The following TNRC18 variants were observed in gnomAD, a reference collection of about 807,000 sequenced individuals.
TNRC18 encodes trinucleotide repeat containing 18, also known as trinucleotide repeat-containing gene 18 protein.
TNRC18 carries 69 observed loss-of-function variants against 226.7 expected under a neutral mutation model. That is an observed-to-expected ratio of 0.30 (90% confidence interval 0.25 to 0.37). TNRC18 has a LOEUF of 0.37. TNRC18 is among the 10% of genes least tolerant of loss of function. The pLI is 1.00. For synonymous variants in TNRC18, 2,449 were observed against 1,927.6 expected, an observed-to-expected ratio of 1.27 and a Z score of -7.09; for missense variants, 4,754 against 4,256.6, an observed-to-expected ratio of 1.12 and a Z score of -3.25.
chr7:5,347,491 C>T (rs1011662036), intron 17 of TNRC18, among the ~76,000 whole-genome samples: 1 of 144,850 alleles, frequency 6.9e-6, no homozygotes, highest in African/African-American at 2.6e-5. Context: ...CCGCCACACC[C>T]AGCCCCCCCG....
At chr7:5,371,420 C>T in intron 10 of TNRC18, 56 bp from the exon 11 acceptor site, 1 of 1,448,590 alleles carries the variant, frequency 6.9e-7, no homozygotes, top group Middle Eastern at 2.4e-4. Flanking sequence ...TCCCATGTCC[C>T]CACTGACACC....
chr7:5,405,518 G>A (rs918233139), intron 2 of TNRC18, among the ~76,000 whole-genome samples: 3 of 152,144 alleles, frequency 2.0e-5, no homozygotes, highest in East Asian at 1.9e-4. Flanking sequence ...GCAGTGAGCC[G>A]AGATTGTGCC....
At chr7:5,328,546 C>A (rs921310902) in intron 19 of TNRC18, among the ~76,000 whole-genome samples, 1 of 151,312 alleles carries the variant, frequency 6.6e-6, no homozygotes, top group Non-Finnish European at 1.5e-5. Context: ...TCTCGCTCTG[C>A]CACCCAGGCT....
chr7:5,373,089 C>A (rs1794312987), intron 10 of TNRC18, among the ~76,000 whole-genome samples: 1 of 152,102 alleles, frequency 6.6e-6, no homozygotes, highest in African/African-American at 2.4e-5. Flanking sequence ...ACCTGGGAAG[C>A]GGAGGTTGCA....
intron 2 of TNRC18, among the ~76,000 whole-genome samples, chr7:5,410,032 C>A (rs1257261047): frequency 6.6e-6 from 1 of 150,754 alleles, no homozygotes. Flanking sequence ...ATGATCAGAT[C>A]AGACGCAGTG....
At chr7:5,327,372 CGTGT>C (rs5882054) in intron 19 of TNRC18, among the ~76,000 whole-genome samples, 8,271 of 142,630 alleles carry the variant, frequency 0.058, 264 homozygotes, top group South Asian at 0.088. Context: ...TGTGTTTGTG[CGTGT>C]GTGTGTGTGT....
At chr7:5,318,190 G>A (rs368818947) in intron 24 of TNRC18, among the ~76,000 whole-genome samples, 1 of 151,942 alleles carries the variant, frequency 6.6e-6, no homozygotes, top group Non-Finnish European at 1.5e-5. Flanking sequence ...GCTAATTTTT[G>A]TATCTTTTTG....
At chr7:5,350,742 G>A (rs193027592) in intron 17 of TNRC18, among the ~76,000 whole-genome samples, 207 of 152,328 alleles carry the variant, frequency 1.4e-3, no homozygotes, top group African/African-American at 4.7e-3. Context: ...AAAGGGCAAG[G>A]CCAGCGGGTT....
Position 5,351,849 on chromosome 7 carries a change from T to C in TNRC18, c.5440A>G (p.Ser1814Gly). 6.2e-7 allele frequency: 1 copy of C among 1,605,734 alleles called. No individual in the cohort carries two copies. Among genetic ancestry groups the C allele is most frequent in the Non-Finnish European group, 8.5e-7 (1 of 1,176,636 alleles). ...LREAEARSSF[S>G]DSSEESFDQD... ...TCAAACGATTCCTCCGAAGAGTCGC[T>C]GAAGGAGGAACGCGCCTCGGCCTCT... The change falls in exon 17 of 30, where the codon AGC becomes GGC. Residue 1814 changes from serine to glycine, a missense_variant. Physicochemically the swap from Ser to Gly is moderately conservative, Grantham distance 56 (BLOSUM62 0). Coordinates refer to ENST00000430969, the MANE Select transcript of TNRC18 (RefSeq NM_001080495.3).
chr7:5,383,989 G>C (rs529611213), intron 5 of TNRC18, among the ~76,000 whole-genome samples: 1 of 102,360 alleles, frequency 9.8e-6, no homozygotes, highest in South Asian at 3.6e-4. Flanking sequence ...TTTTGAGATA[G>C]AGTTTCGCTC....
chr7:5,345,278 C>T (rs77102886), intron 18 of TNRC18, among the ~76,000 whole-genome samples: 1,736 of 152,328 alleles, frequency 0.011, 31 homozygotes, highest in African/African-American at 0.04. Context: ...ATGGAGCTCC[C>T]GCAGCCCCTC....
At chr7:5,382,551 G>A (rs1045318006) in intron 5 of TNRC18, among the ~76,000 whole-genome samples, 29 of 144,248 alleles carry the variant, frequency 2.0e-4, no homozygotes, top group African/African-American at 4.9e-4. Context: ...GAAGCGGATC[G>A]GGGGGGAGTG....
chr7:5,352,050 G>C lies in TNRC18; in HGVS notation c.5239C>G (p.Pro1747Ala). The C allele has an allele frequency of 6.2e-7, 1 of 1,612,632 alleles. No individual in the cohort carries two copies. The highest frequency in any genetic ancestry group is 8.5e-7 in the Non-Finnish European group (1 of 1,179,402). ...EDEEFLKDEW[P>A]AQGPSSSKLT... Reference sequence around the variant, plus strand: ...TTGGAGCTGGAGGGGCCTTGGGCGGGCCACTCGTCCTTCAGGAATTCTTCG... The same window carrying C: ...TTGGAGCTGGAGGGGCCTTGGGCGGCCCACTCGTCCTTCAGGAATTCTTCG... Residue 1747 changes from proline to alanine, a missense_variant, in exon 17 of 30, where the codon CCC (proline) becomes GCC (alanine). Pro to Ala is a conservative substitution (Grantham distance 27). Transcript: ENST00000430969.
At chr7:5,398,204 C>T (rs1486619703) in intron 2 of TNRC18, among the ~76,000 whole-genome samples, 1 of 151,458 alleles carries the variant, frequency 6.6e-6, no homozygotes, top group Non-Finnish European at 1.5e-5. Context: ...GAGTTTCGCT[C>T]TTGTTGCCCA....
intron 9 of TNRC18, among the ~76,000 whole-genome samples, 160 bp downstream of exon 9, chr7:5,375,874 G>C (rs770835448): frequency 2.0e-5 from 3 of 152,180 alleles, no homozygotes; most frequent in Non-Finnish European, 4.4e-5. Context: ...TCCAGGTCTC[G>C]GTTCCACTGC....
At position 5,421,278 on chromosome 7, in the gene TNRC18, C is replaced by T; in HGVS notation, c.-32G>A. ...CGGGAGTGCCGCGATCAGCCCCCCA[C>T]CCGGCCCGCAGGCCTAGCTCAGTGG... On this transcript the variant is annotated 5_prime_UTR_variant, in exon 2 of 30. The change creates a new upstream start codon in the 5' untranslated region. Coordinates refer to ENST00000430969, the MANE Select transcript of TNRC18 (RefSeq NM_001080495.3). The T allele has an allele frequency of 7.9e-7, 1 of 1,271,690 alleles. No individual in the cohort carries two copies. The highest frequency in any genetic ancestry group is 9.9e-7 in the Non-Finnish European group (1 of 1,006,708). 78.8% of individuals were successfully genotyped at this position (1,271,690 alleles called of 1,614,324 possible).
At chr7:5,349,768 G>A (rs1791589466) in intron 17 of TNRC18, among the ~76,000 whole-genome samples, 1 of 152,204 alleles carries the variant, frequency 6.6e-6, no homozygotes, top group African/African-American at 2.4e-5. Flanking sequence ...GGATGGTCGG[G>A]CTGCTGGAAG....
In TNRC18 at chr7:5,394,380, C is replaced by T. The variant is rs77641055; in HGVS notation, c.343+60G>A. On this transcript the variant is annotated intron_variant, in intron 3 of 29. Coordinates refer to ENST00000430969, the MANE Select transcript of TNRC18 (RefSeq NM_001080495.3). The surrounding 1 kb of genome is among the most constrained non-coding windows in gnomAD (Gnocchi z 4.5). ...GACAACAGAGGGGCACATGAAGTGGCCAGAGTGGCTGGGACGTCAGCCCAG... is the reference window on the plus strand; with the variant it reads ...GACAACAGAGGGGCACATGAAGTGGTCAGAGTGGCTGGGACGTCAGCCCAG... 9,305 of 1,445,074 alleles carry T rather than the reference C, an allele frequency of 6.4e-3. 513 individuals carry two copies. In the East Asian group the frequency reaches 0.15, roughly 23 times the overall value. The allele number at this position is 1,445,074 out of a possible 1,614,324, so 89.5% of individuals were successfully genotyped here.
In TNRC18 at chr7:5,308,024, C is replaced by T. The variant is rs1210127661; in HGVS notation, c.*82G>A. On this transcript the variant is annotated 3_prime_UTR_variant, in exon 30 of 30. Coordinates refer to ENST00000430969, the MANE Select transcript of TNRC18 (RefSeq NM_001080495.3). ...GGAGCGCTCGCATGCACACAACGCA[C>T]GTGGTCTCCGCGCCATGGCAGTGAT... 24 of 1,324,544 alleles carry T rather than the reference C, an allele frequency of 1.8e-5. No individual in the cohort carries two copies. In the East Asian group the frequency reaches 2.0e-4, roughly 11 times the overall value. The allele number at this position is 1,324,544 out of a possible 1,614,324, so 82.0% of individuals were successfully genotyped here.
Sources: gnomAD v4.1 joint callset for allele counts (sites outside exome capture counted in the v4.1 genomes callset) on GRCh38, gnomAD v4.1.1 for gene constraint, Gnocchi (gnomAD v3.1) non-coding constraint, MANE v1.5 for transcripts, NCBI Gene and HGNC (gene_info 2026-07-23, HGNC 2026-07-21) for gene names.